Variants in BTBD9 observed in about 807,000 individuals in gnomAD.
BTBD9 encodes the protein BTB/POZ domain-containing protein 9.
BTBD9 carries 49 observed loss-of-function variants against 64.3 expected under a neutral mutation model. The observed-to-expected ratio is 0.76, with a 90% CI of 0.61 to 0.97. The LOEUF is 0.97. Ranked by LOEUF, BTBD9 falls within the 50% of genes least tolerant of loss-of-function variation. The pLI is 0.00. For missense variants in BTBD9, 598 were observed against 762.1 expected (o/e 0.78, Z 2.53); for synonymous variants, 260 against 274.7 (o/e 0.95, Z 0.53).
chr6:38,637,404 G>T (rs1612697), intron 1 of BTBD9, among the ~76,000 whole-genome samples: 10,281 of 152,196 alleles, frequency 0.068, 852 homozygotes, highest in African/African-American at 0.19. Flanking sequence ...CCACTCAAAA[G>T]AATTTTCACA....
chr6:38,220,498 C>T (rs1341653924), intron 9 of BTBD9, among the ~76,000 whole-genome samples: 1 of 152,132 alleles, frequency 6.6e-6, no homozygotes, highest in Non-Finnish European at 1.5e-5. Context: ...TTTGTACTGG[C>T]CAACAGGGAT....
At chr6:38,623,678 A>G (rs760929294) in intron 1 of BTBD9, among the ~76,000 whole-genome samples, 4 of 152,170 alleles carry the variant, frequency 2.6e-5, no homozygotes, top group Non-Finnish European at 4.4e-5. Flanking sequence ...TTCCTATACC[A>G]ACCTCTAGAG....
intron 7 of BTBD9, among the ~76,000 whole-genome samples, chr6:38,341,510 G>A (rs1345526962): frequency 6.6e-6 from 1 of 152,134 alleles, no homozygotes; most frequent in African/African-American, 2.4e-5. Context: ...TGGATAACTA[G>A]TAGGGCATTA....
chr6:38,322,525 A>G (rs1483863144), intron 7 of BTBD9, among the ~76,000 whole-genome samples: 2 of 152,216 alleles, frequency 1.3e-5, no homozygotes, highest in East Asian at 3.9e-4. Context: ...ACATTCATTT[A>G]TATCAATTAT....
intron 1 of BTBD9, among the ~76,000 whole-genome samples, chr6:38,605,901 G>A (rs58167057): frequency 0.11 from 16,968 of 152,196 alleles, 1,157 homozygotes; most frequent in Non-Finnish European, 0.15. Flanking sequence ...TGTTGCCAAA[G>A]AAGATTAACA....
chr6:38,258,558 CTCAG>C (rs901280913), intron 8 of BTBD9, among the ~76,000 whole-genome samples: 8 of 152,170 alleles, frequency 5.3e-5, no homozygotes, highest in Admixed American at 4.6e-4. Context: ...GGAGCTTAAA[CTCAG>C]TCAGTGCTTG....
chr6:38,602,171 T>TG (rs1474885345), intron 1 of BTBD9, among the ~76,000 whole-genome samples: 4 of 152,096 alleles, frequency 2.6e-5, no homozygotes, highest in Non-Finnish European at 4.4e-5. Flanking sequence ...TTCAATTAAA[T>TG]GGGGGAAAAT....
intron 9 of BTBD9, among the ~76,000 whole-genome samples, chr6:38,254,779 T>A (rs774301462): frequency 2.6e-5 from 4 of 152,298 alleles, no homozygotes; most frequent in Middle Eastern, 3.4e-3. Flanking sequence ...CTTGTGAGAA[T>A]GTGGAAAAAT....
chr6:38,539,863 T>A (rs1030317142), intron 6 of BTBD9, among the ~76,000 whole-genome samples: 5 of 152,174 alleles, frequency 3.3e-5, no homozygotes, highest in Non-Finnish European at 1.5e-5. Context: ...GGAATCAGGC[T>A]CACAGATGTG....
chr6:38,542,917 C>T (rs1435884433), intron 6 of BTBD9, among the ~76,000 whole-genome samples: 1 of 152,198 alleles, frequency 6.6e-6, no homozygotes, highest in African/African-American at 2.4e-5. Flanking sequence ...GAACTACTTT[C>T]TGTTTTATTT....
chr6:38,477,069 G>A (rs1770915770), intron 6 of BTBD9, among the ~76,000 whole-genome samples: 1 of 152,206 alleles, frequency 6.6e-6, no homozygotes, highest in South Asian at 2.1e-4. Flanking sequence ...AAGGGCTGAG[G>A]ACCAGGGGAT....
intron 9 of BTBD9, among the ~76,000 whole-genome samples, chr6:38,202,785 C>G (rs1225503246): frequency 6.6e-6 from 1 of 152,098 alleles, no homozygotes; most frequent in Non-Finnish European, 1.5e-5. Context: ...AATGTAAGAC[C>G]TGAAACTATA....
At chr6:38,203,831 T>C (rs1047258249) in intron 9 of BTBD9, among the ~76,000 whole-genome samples, 1 of 152,158 alleles carries the variant, frequency 6.6e-6, no homozygotes, top group Non-Finnish European at 1.5e-5. Flanking sequence ...TAAGTTCTAA[T>C]GTTCCATAGC....
intron 9 of BTBD9, among the ~76,000 whole-genome samples, chr6:38,222,901 TTTTA>T (rs1763263520): frequency 6.6e-6 from 1 of 152,248 alleles, no homozygotes; most frequent in South Asian, 2.1e-4. Context: ...GAAGGTTTTA[TTTTA>T]TTTATTTATT....
At chr6:38,537,315 TC>T (rs756234639) in intron 6 of BTBD9, among the ~76,000 whole-genome samples, 33 of 152,150 alleles carry the variant, frequency 2.2e-4, no homozygotes, top group Non-Finnish European at 4.3e-4. Context: ...AAACAACCAC[TC>T]CCCTATGAAG....
At chr6:38,295,573 TTAATC>T (rs1359601365) in intron 7 of BTBD9, among the ~76,000 whole-genome samples, 2 of 152,222 alleles carry the variant, frequency 1.3e-5, no homozygotes, top group Non-Finnish European at 2.9e-5. Context: ...GTTTGTTTCT[TTAATC>T]TATTCAGAAT....
At chr6:38,241,190 A>G (rs1763981429) in intron 9 of BTBD9, among the ~76,000 whole-genome samples, 1 of 152,234 alleles carries the variant, frequency 6.6e-6, no homozygotes, top group African/African-American at 2.4e-5. Flanking sequence ...CCAGAGAATC[A>G]GGAAGGAAAA....
In BTBD9 at chr6:38,177,741, A is replaced by C. The variant is rs528785212; in HGVS notation, c.1642-2559T>G. ...TTTCTTCTCATTTCCAGCTGCATTT[A>C]TCTCTTGTCTAACTTGGGCAGTGTT... On this transcript the variant is annotated intron_variant, in intron 10 of 10. Transcript: ENST00000481247. 2.0e-5 allele frequency among the ~76,000 whole-genome samples: 3 copies of C among 152,274 alleles called. No homozygotes were observed. The East Asian group carries it at 5.8e-4, about 29-fold the overall frequency.
chr6:38,585,004 G>A (rs987125814), intron 4 of BTBD9, among the ~76,000 whole-genome samples: 9 of 151,932 alleles, frequency 5.9e-5, no homozygotes, highest in African/African-American at 1.9e-4. Context: ...TGGTAATTTA[G>A]GCAAGTTACA....
Sources: gnomAD v4.1 joint callset for allele counts (sites outside exome capture counted in the v4.1 genomes callset) on GRCh38, gnomAD v4.1.1 for gene constraint, MANE v1.5 for transcripts, NCBI Gene and HGNC (gene_info 2026-07-23, HGNC 2026-07-21) for gene names.